Variants in GRID2 observed in about 807,000 individuals in gnomAD.
GRID2 encodes the protein glutamate ionotropic receptor delta type subunit 2, also known as glutamate receptor ionotropic, delta-2.
Under a neutral mutation model 114.8 loss-of-function variants are expected in GRID2, and 33 were observed. That is an observed-to-expected ratio of 0.29 (90% CI 0.22 to 0.38). GRID2 has a LOEUF of 0.38. GRID2 is among the 10% of genes least tolerant of loss of function. GRID2 has a pLI of 1.00. For synonymous variants in GRID2, 505 were observed against 449.9 expected (o/e 1.12, Z -1.55); for missense variants, 1,184 against 1,257.7 (o/e 0.94, Z 0.89).
In GRID2 at chr4:93,207,389, T is replaced by C. The variant is rs752008829; in HGVS notation, c.736-15T>C. The C allele has an allele frequency of 3.8e-6, 6 of 1,572,496 alleles. No individual in the cohort carries two copies. In the East Asian group the frequency reaches 1.1e-4, roughly 29 times the overall value. ...GATTAATTTTGACTGATAGCTGATT[T>C]GTTTTCTATTCTAGGTTGTGGAGAC... On this transcript the variant is annotated splice_polypyrimidine_tract_variant and intron_variant, in intron 4 of 15. Coordinates refer to ENST00000282020, the MANE Select transcript of GRID2 (RefSeq NM_001510.4).
chr4:92,711,459 C>G (rs1312713789), intron 2 of GRID2, among the ~76,000 whole-genome samples: 1 of 152,162 alleles, frequency 6.6e-6, no homozygotes, highest in Non-Finnish European at 1.5e-5. Context: ...TGGTTGTCAA[C>G]CAAGAGCTAC....
intron 2 of GRID2, among the ~76,000 whole-genome samples, chr4:92,647,159 G>A (rs1731686819): frequency 6.6e-6 from 1 of 152,168 alleles, no homozygotes; most frequent in Non-Finnish European, 1.5e-5. Context: ...TTATCTCCTT[G>A]TGTATCTCCT....
intron 2 of GRID2, among the ~76,000 whole-genome samples, chr4:92,869,383 A>G (rs1022211039): frequency 6.6e-5 from 10 of 152,224 alleles, no homozygotes; most frequent in Admixed American, 6.5e-4. Flanking sequence ...TAAATTTCAA[A>G]AATCCAGCAG....
At chr4:92,987,145 T>C (rs1406634843) in intron 2 of GRID2, among the ~76,000 whole-genome samples, 1 of 152,226 alleles carries the variant, frequency 6.6e-6, no homozygotes, top group Non-Finnish European at 1.5e-5. Flanking sequence ...CCAGCTCTCC[T>C]GGTTCAGAAA....
intron 8 of GRID2, among the ~76,000 whole-genome samples, chr4:93,299,677 G>A (rs1456860570): frequency 6.6e-6 from 1 of 151,886 alleles, no homozygotes; most frequent in Non-Finnish European, 1.5e-5. Flanking sequence ...TTGTCCACAT[G>A]TACCCTAGAA....
At chr4:93,733,542 A>C (rs1730667911) in intron 14 of GRID2, among the ~76,000 whole-genome samples, 1 of 152,126 alleles carries the variant, frequency 6.6e-6, no homozygotes, top group Admixed American at 6.6e-5. Flanking sequence ...AGGCATTCAG[A>C]TAGAGTTCTC....
intron 4 of GRID2, among the ~76,000 whole-genome samples, chr4:93,186,811 A>G (rs958911424): frequency 6.6e-6 from 1 of 152,172 alleles, no homozygotes; most frequent in Non-Finnish European, 1.5e-5. Context: ...ATTCATATTC[A>G]GTATTATCAT....
chr4:93,070,497 G>A (rs1728715979), intron 2 of GRID2, among the ~76,000 whole-genome samples: 1 of 152,012 alleles, frequency 6.6e-6, no homozygotes, highest in African/African-American at 2.4e-5. Context: ...TCAAAAAATT[G>A]TAATAATAAT....
chr4:92,793,256 T>C (rs1739680654), intron 2 of GRID2, among the ~76,000 whole-genome samples: 1 of 151,780 alleles, frequency 6.6e-6, no homozygotes, highest in African/African-American at 2.4e-5. Flanking sequence ...GCCTAGAATG[T>C]TCATTTTTTT....
rs539079195 is a variant in GRID2, at chr4:93,518,379, AT to A, written c.2193+2977del. Among the ~76,000 whole-genome samples, 8 of 151,542 alleles carry A rather than the reference AT, an allele frequency of 5.3e-5. No individual in the cohort carries two copies. The South Asian group carries it at 6.3e-4, about 12-fold the overall frequency. On this transcript the variant is annotated intron_variant, in intron 13 of 15. Transcript: ENST00000282020. ...AAACTACCCTAAGTAAACTAGACAAATTTTTTTTTCTGCCTTGCTTTAACCA... is the reference window on the plus strand; with the variant it reads ...AAACTACCCTAAGTAAACTAGACAAATTTTTTTTCTGCCTTGCTTTAACCA...
intron 4 of GRID2, among the ~76,000 whole-genome samples, chr4:93,145,674 T>C (rs1300005579): frequency 7.0e-5 from 7 of 99,490 alleles, no homozygotes; most frequent in Admixed American, 1.3e-4. Flanking sequence ...TTTTTTTTTT[T>C]TAGTAGAGAT....
chr4:92,985,956 G>A (rs529038660), intron 2 of GRID2, among the ~76,000 whole-genome samples: 4 of 152,110 alleles, frequency 2.6e-5, no homozygotes, highest in South Asian at 2.1e-4. Flanking sequence ...TCAATTCACC[G>A]TCTGCTTAAT....
chr4:92,689,361 A>G (rs552464415), intron 2 of GRID2, among the ~76,000 whole-genome samples: 1 of 152,280 alleles, frequency 6.6e-6, no homozygotes, highest in African/African-American at 2.4e-5. Context: ...TGTTTTATCT[A>G]CATTTAGAAT....
At chr4:93,176,342 A>C (rs1739343213) in intron 4 of GRID2, among the ~76,000 whole-genome samples, 1 of 152,200 alleles carries the variant, frequency 6.6e-6, no homozygotes, top group South Asian at 2.1e-4. Context: ...GTGAAACAAC[A>C]TCCTAAATCA....
intron 2 of GRID2, among the ~76,000 whole-genome samples, chr4:93,069,185 T>G (rs1316844295): frequency 6.6e-6 from 1 of 151,882 alleles, no homozygotes; most frequent in East Asian, 1.9e-4. Context: ...CATTTCAACA[T>G]TAGTTTTGGG....
chr4:92,836,207 T>A (rs1175884063), intron 2 of GRID2, among the ~76,000 whole-genome samples: 2 of 152,144 alleles, frequency 1.3e-5, no homozygotes, highest in African/African-American at 4.8e-5. Context: ...CTATTTACAA[T>A]CTTGTCCTTT....
chr4:93,310,280 G>A (rs1322947146), intron 8 of GRID2, among the ~76,000 whole-genome samples: 2 of 152,132 alleles, frequency 1.3e-5, no homozygotes, highest in Non-Finnish European at 2.9e-5. Flanking sequence ...AGCACTTTGG[G>A]AGGTGGAGGC....
At chr4:93,694,788 T>C (rs1161736072) in intron 14 of GRID2, among the ~76,000 whole-genome samples, 1 of 152,150 alleles carries the variant, frequency 6.6e-6, no homozygotes. Context: ...CCTCAGGCAC[T>C]CACACACACA....
chr4:93,297,153 A>G (rs1754392153), intron 8 of GRID2, among the ~76,000 whole-genome samples: 1 of 152,196 alleles, frequency 6.6e-6, no homozygotes, highest in Non-Finnish European at 1.5e-5. Context: ...ATCCATGACA[A>G]GGTCAAGGAA....
Sources: gnomAD v4.1 joint callset for allele counts (sites outside exome capture counted in the v4.1 genomes callset) on GRCh38, gnomAD v4.1.1 for gene constraint, MANE v1.5 for transcripts, NCBI Gene and HGNC (gene_info 2026-07-23, HGNC 2026-07-21) for gene names.